ITSN1: variants seen among roughly 807,000 people sequenced by gnomAD.
ITSN1 encodes intersectin-1.
Under a neutral mutation model 239.8 loss-of-function variants are expected in ITSN1, and 58 were observed. The observed-to-expected ratio is 0.24, with a 90% confidence interval of 0.20 to 0.30. The LOEUF is 0.30. Among genes scored for constraint, ITSN1 ranks in the 10% least tolerant of loss-of-function variants. ITSN1 has a pLI of 1.00. For synonymous variants in ITSN1, 780 were observed against 770.8 expected (o/e 1.01, Z -0.20); for missense variants, 1,558 against 2,103.3 (o/e 0.74, Z 5.07).
intron 1 of ITSN1, among the ~76,000 whole-genome samples, chr21:33,684,158 A>G (rs955944586): frequency 6.6e-6 from 1 of 152,206 alleles, no homozygotes; most frequent in Admixed American, 6.5e-5. Context: ...CCTTAGAGAA[A>G]TGTGATTCAG....
At chr21:33,674,558 G>A (rs1421609113) in intron 1 of ITSN1, among the ~76,000 whole-genome samples, 1 of 152,068 alleles carries the variant, frequency 6.6e-6, no homozygotes, top group Admixed American at 6.6e-5. Flanking sequence ...CAGTGTGTTT[G>A]GGAACAGGAT....
chr21:33,771,746 G>A (rs2069177265), intron 11 of ITSN1, among the ~76,000 whole-genome samples: 1 of 152,182 alleles, frequency 6.6e-6, no homozygotes, highest in Non-Finnish European at 1.5e-5. Flanking sequence ...AGAAGAGAGG[G>A]GGTTAATTCC....
rs2069490452 is a variant in ITSN1, at chr21:33,775,055, A to C, written c.1543A>C (p.Lys515Gln). 1 of 1,614,028 alleles carries C rather than the reference A, an allele frequency of 6.2e-7. No homozygotes were observed. Among genetic ancestry groups the C allele is most frequent in the Non-Finnish European group, 8.5e-7 (1 of 1,180,012 alleles). ...TQRQEIESTN[K>Q]SRELRIAEIT... is the part of the protein sequence containing the mutation. Reference sequence around the variant, plus strand: ...AAGGCAAGAAATTGAGAGCACAAACAAATCTAGAGAGTTGAGAATTGCCGA... The same window carrying C: ...AAGGCAAGAAATTGAGAGCACAAACCAATCTAGAGAGTTGAGAATTGCCGA... The change falls in exon 14 of 40, where the codon AAA becomes CAA. Residue 515 changes from lysine (K) to glutamine (Q), a missense_variant. Coordinates refer to ENST00000381318, the MANE Select transcript of ITSN1 (RefSeq NM_003024.3).
intron 27 of ITSN1, among the ~76,000 whole-genome samples, chr21:33,832,006 T>C (rs2074319305): frequency 6.6e-6 from 1 of 152,186 alleles, no homozygotes; most frequent in South Asian, 2.1e-4. Context: ...CCCTGTCCTG[T>C]TCTGGAGACG....
intron 5 of ITSN1, among the ~76,000 whole-genome samples, chr21:33,736,301 T>A (rs777249537): frequency 1.2e-4 from 18 of 152,144 alleles, no homozygotes; most frequent in Admixed American, 4.6e-4. Flanking sequence ...ATTCAGGGTG[T>A]CTCTGATATA....
At chr21:33,844,300 T>C (rs1319948788) in intron 29 of ITSN1, among the ~76,000 whole-genome samples, 3 of 152,176 alleles carry the variant, frequency 2.0e-5, no homozygotes, top group Non-Finnish European at 4.4e-5. Flanking sequence ...TTTCACACGG[T>C]CGACGGTGGG....
At chr21:33,817,272 G>A (rs1265257869) in intron 22 of ITSN1, 13 of 1,304,186 alleles carry the variant, frequency 1.0e-5, no homozygotes, top group Non-Finnish European at 1.3e-5. Flanking sequence ...TAGGCCACAT[G>A]CAGCCCCGGA....
intron 1 of ITSN1, among the ~76,000 whole-genome samples, chr21:33,661,146 T>G (rs1041704756): frequency 3.9e-5 from 6 of 152,204 alleles, no homozygotes; most frequent in African/African-American, 1.4e-4. Flanking sequence ...AGCATCAGGC[T>G]TGCTTTATTT....
intron 31 of ITSN1, among the ~76,000 whole-genome samples, chr21:33,864,580 A>G (rs1341060361): frequency 2.6e-5 from 4 of 151,890 alleles, no homozygotes; most frequent in Non-Finnish European, 4.4e-5. Context: ...TCTTTTCCGA[A>G]CTCCTCTTAA....
chr21:33,662,193 C>T (rs1175864308), intron 1 of ITSN1, among the ~76,000 whole-genome samples: 4 of 152,188 alleles, frequency 2.6e-5, no homozygotes, highest in African/African-American at 9.7e-5. Context: ...CTCCCCCTAT[C>T]TGTCCCTTAT....
intron 1 of ITSN1, among the ~76,000 whole-genome samples, chr21:33,645,547 G>A (rs1468697939): frequency 6.6e-6 from 1 of 152,190 alleles, no homozygotes; most frequent in Non-Finnish European, 1.5e-5. Flanking sequence ...TAGAGGCTGA[G>A]GTGGGAGGAT....
intron 20 of ITSN1, among the ~76,000 whole-genome samples, chr21:33,808,284 G>A (rs563736371): frequency 2.0e-5 from 3 of 149,624 alleles, no homozygotes; most frequent in Non-Finnish European, 4.5e-5. Flanking sequence ...GCAGAAGAGA[G>A]AATTTAAAAA....
chr21:33,878,042 GTGTGTT>G (rs371640966), intron 34 of ITSN1, among the ~76,000 whole-genome samples: 5 of 114,416 alleles, frequency 4.4e-5, no homozygotes, highest in Non-Finnish European at 9.4e-5. Flanking sequence ...GTGTGTGTGT[GTGTGTT>G]TGTTTTAGTC....
intron 4 of ITSN1, among the ~76,000 whole-genome samples, chr21:33,729,820 C>CA (rs2066056662): frequency 6.6e-6 from 1 of 152,138 alleles, no homozygotes; most frequent in South Asian, 2.1e-4. Context: ...GGTGTTTGAC[C>CA]TTTTATTTGT....
At chr21:33,749,134 G>A (rs1419191195) in intron 5 of ITSN1, among the ~76,000 whole-genome samples, 1 of 151,722 alleles carries the variant, frequency 6.6e-6, no homozygotes, top group Non-Finnish European at 1.5e-5. Flanking sequence ...GCCTACAGGC[G>A]GGTACCACCA....
At chr21:33,790,598 ATCAC>A (rs2071043708) in intron 16 of ITSN1, among the ~76,000 whole-genome samples, 1 of 152,196 alleles carries the variant, frequency 6.6e-6, no homozygotes, top group Admixed American at 6.5e-5. Context: ...AGAAAAAAAA[ATCAC>A]TTAACTTTAG....
intron 11 of ITSN1, among the ~76,000 whole-genome samples, chr21:33,768,681 A>G (rs1445380335): frequency 6.6e-6 from 1 of 152,232 alleles, no homozygotes; most frequent in Admixed American, 6.5e-5. Flanking sequence ...TGATAATGAT[A>G]CTAAGAAGCA....
intron 32 of ITSN1, among the ~76,000 whole-genome samples, chr21:33,866,919 C>G (rs973036726): frequency 7.2e-6 from 1 of 138,314 alleles, no homozygotes; most frequent in Non-Finnish European, 1.6e-5. Flanking sequence ...GACATCCAGA[C>G]GAAATATTCT....
At chr21:33,690,787 AT>A (rs2091483987) in intron 1 of ITSN1, among the ~76,000 whole-genome samples, 1 of 12,850 alleles carries the variant, frequency 7.8e-5, no homozygotes, top group African/African-American at 6.2e-4. Context: ...ATATATATAT[AT>A]ACATATATAT....
Sources: allele counts gnomAD v4.1 joint callset (sites outside exome capture counted in the v4.1 genomes callset), GRCh38; gene constraint gnomAD v4.1.1; transcripts MANE v1.5; gene names NCBI Gene and HGNC (gene_info 2026-07-23, HGNC 2026-07-21).